The following CTNND2 variants were observed in gnomAD, a reference collection of about 807,000 sequenced individuals.
The protein encoded by CTNND2 is catenin delta 2.
A neutral mutation model predicts 144.4 loss-of-function variants in CTNND2; 22 were observed. That is an observed-to-expected ratio of 0.15 (90% confidence interval 0.11 to 0.22). The LOEUF (loss-of-function observed/expected upper bound fraction) is 0.22. CTNND2 is among the 10% of genes least tolerant of loss of function. The pLI, the probability that CTNND2 is intolerant of heterozygous loss-of-function variation, is 1.00. For synonymous variants in CTNND2, 751 were observed against 695.6 expected (o/e 1.08, Z -1.25); for missense variants, 1,353 against 1,618.8 (o/e 0.84, Z 2.82).
At chr5:11,696,274 A>G (rs1785135697) in intron 2 of CTNND2, among the ~76,000 whole-genome samples, 1 of 146,602 alleles carries the variant, frequency 6.8e-6, no homozygotes, top group Non-Finnish European at 1.5e-5. Flanking sequence ...CCTAATTTTC[A>G]CATGTCATGA....
intron 3 of CTNND2, among the ~76,000 whole-genome samples, chr5:11,499,496 C>G (rs1391938475): frequency 6.6e-6 from 1 of 152,210 alleles, no homozygotes; most frequent in Non-Finnish European, 1.5e-5. Flanking sequence ...TTACCAAGCT[C>G]CAATATTTGT....
intron 8 of CTNND2, among the ~76,000 whole-genome samples, chr5:11,362,941 TA>T (rs1272967850): frequency 1.3e-5 from 2 of 152,250 alleles, no homozygotes; most frequent in African/African-American, 4.8e-5. Flanking sequence ...GGATGATACA[TA>T]AATGAATGGG....
intron 1 of CTNND2, among the ~76,000 whole-genome samples, chr5:11,790,793 T>C (rs1791088786): frequency 6.6e-6 from 1 of 152,110 alleles, no homozygotes; most frequent in Non-Finnish European, 1.5e-5. Flanking sequence ...AATCTGACAG[T>C]GGAGGGAATG....
chr5:11,662,128 T>TATATGTATATATAC, intron 2 of CTNND2, among the ~76,000 whole-genome samples: 1 of 145,510 alleles, frequency 6.9e-6, no homozygotes, highest in Non-Finnish European at 1.5e-5. Flanking sequence ...TATATATATA[T>TATATGTATATATAC]ACATATATGT....
chr5:11,471,880 C>T (rs572330348), intron 3 of CTNND2, among the ~76,000 whole-genome samples: 1 of 152,288 alleles, frequency 6.6e-6, no homozygotes, highest in South Asian at 2.1e-4. Flanking sequence ...GAATTTGGTA[C>T]TTTTAAAATA....
chr5:11,418,346 C>T (rs562815507), intron 3 of CTNND2, among the ~76,000 whole-genome samples: 17 of 152,130 alleles, frequency 1.1e-4, no homozygotes, highest in African/African-American at 2.7e-4. Flanking sequence ...GCAGAGGTTG[C>T]GGTGAGCCAA....
At chr5:11,687,857 G>A (rs1561694925) in intron 2 of CTNND2, among the ~76,000 whole-genome samples, 1 of 152,144 alleles carries the variant, frequency 6.6e-6, no homozygotes, top group Non-Finnish European at 1.5e-5. Context: ...ACATTAATGG[G>A]AAAGTGGCAT....
intron 1 of CTNND2, among the ~76,000 whole-genome samples, chr5:11,888,114 T>G (rs1270538566): frequency 6.6e-6 from 1 of 152,222 alleles, no homozygotes; most frequent in Non-Finnish European, 1.5e-5. Flanking sequence ...TGAATGGCAT[T>G]CTTAAATTAA....
At chr5:11,200,307 A>G (rs1334874256) in intron 10 of CTNND2, among the ~76,000 whole-genome samples, 1 of 152,234 alleles carries the variant, frequency 6.6e-6, no homozygotes, top group Admixed American at 6.5e-5. Context: ...ATCAAAAGAA[A>G]ATTTTAATCT....
chr5:11,098,484 G>T, intron 15 of CTNND2, 91 bp downstream of exon 15: 1 of 1,112,908 alleles, frequency 9.0e-7, no homozygotes, highest in South Asian at 1.7e-5. Context: ...ATCTTTATTA[G>T]AGTTGCATTT....
intron 2 of CTNND2, among the ~76,000 whole-genome samples, chr5:11,728,413 G>C (rs1787142797): frequency 6.6e-6 from 1 of 152,122 alleles, no homozygotes; most frequent in Non-Finnish European, 1.5e-5. Flanking sequence ...AGGTGGAAGA[G>C]GTTATGGTGA....
intron 1 of CTNND2, among the ~76,000 whole-genome samples, chr5:11,806,991 C>T (rs1028033168): frequency 3.3e-5 from 5 of 151,960 alleles, no homozygotes; most frequent in Non-Finnish European, 5.9e-5. Flanking sequence ...TCTCAAGTTG[C>T]TAATGGGTGT....
intron 3 of CTNND2, among the ~76,000 whole-genome samples, chr5:11,564,061 G>A (rs1484054571): frequency 6.6e-6 from 1 of 152,184 alleles, no homozygotes; most frequent in African/African-American, 2.4e-5. Context: ...ATAGGGGATG[G>A]CAAGGTCATC....
At chr5:11,230,273 C>T (rs1370586587) in intron 10 of CTNND2, among the ~76,000 whole-genome samples, 4 of 148,700 alleles carry the variant, frequency 2.7e-5, no homozygotes, top group South Asian at 2.2e-4. Context: ...TGCTAGATGA[C>T]GAGTTAGTGG....
chr5:11,712,722 T>G (rs1273536057), intron 2 of CTNND2, among the ~76,000 whole-genome samples: 1 of 152,108 alleles, frequency 6.6e-6, no homozygotes, highest in African/African-American at 2.4e-5. Context: ...AAGAAGAGGG[T>G]AAAATAAAAC....
At chr5:11,172,220 G>A (rs1760002520) in intron 11 of CTNND2, among the ~76,000 whole-genome samples, 3 of 152,118 alleles carry the variant, frequency 2.0e-5, no homozygotes, top group African/African-American at 7.2e-5. Flanking sequence ...GCCAGAGTGA[G>A]GGACCACTGG....
At chr5:10,977,783 G>A (rs1044924521) in intron 21 of CTNND2, among the ~76,000 whole-genome samples, 2 of 152,190 alleles carry the variant, frequency 1.3e-5, no homozygotes, top group African/African-American at 4.8e-5. Flanking sequence ...TCTGTAACCC[G>A]TTGACCTCAG....
intron 3 of CTNND2, among the ~76,000 whole-genome samples, chr5:11,515,821 T>C (rs1166600219): frequency 6.6e-6 from 1 of 152,182 alleles, no homozygotes; most frequent in African/African-American, 2.4e-5. Context: ...AAAAATTTGT[T>C]AATAGTTCAA....
At chr5:11,223,932 T>C (rs1740055721) in intron 10 of CTNND2, among the ~76,000 whole-genome samples, 1 of 152,152 alleles carries the variant, frequency 6.6e-6, no homozygotes, top group African/African-American at 2.4e-5. Flanking sequence ...AATAGATGCA[T>C]ATGGCAGCTA....
Sources: allele counts gnomAD v4.1 joint callset (sites outside exome capture counted in the v4.1 genomes callset), GRCh38; gene constraint gnomAD v4.1.1; transcripts MANE v1.5; gene names NCBI Gene and HGNC (gene_info 2026-07-23, HGNC 2026-07-21).